NEGR1: variants seen among roughly 807,000 people sequenced by gnomAD.
The protein encoded by NEGR1 is IgLON family member 4.
Under a neutral mutation model 40.9 loss-of-function variants are expected in NEGR1, and 10 were observed. The observed-to-expected ratio is 0.24, with a 90% CI of 0.15 to 0.42. NEGR1 has a LOEUF of 0.42. Ranked by LOEUF, NEGR1 falls within the 10% of genes least tolerant of loss-of-function variation. NEGR1 has a pLI of 1.00. For synonymous variants in NEGR1, 185 were observed against 166.8 expected, an observed-to-expected ratio of 1.11 and a Z score of -0.84; for missense variants, 352 against 438.9, an observed-to-expected ratio of 0.80 and a Z score of 1.77.
intron 1 of NEGR1, among the ~76,000 whole-genome samples, chr1:72,006,677 G>A (rs1034560522): frequency 6.6e-6 from 1 of 151,788 alleles, no homozygotes; most frequent in Non-Finnish European, 1.5e-5. Context: ...AAAAAGTTCC[G>A]CTAAAAATAA....
intron 4 of NEGR1, among the ~76,000 whole-genome samples, chr1:71,695,514 T>G (rs1399774084): frequency 1.3e-5 from 2 of 151,788 alleles, no homozygotes; most frequent in African/African-American, 2.4e-5. Flanking sequence ...TTTTAAAATT[T>G]TCTCCCTTTT....
chr1:72,253,131 T>C (rs1232250911), intron 1 of NEGR1, among the ~76,000 whole-genome samples: 1 of 152,164 alleles, frequency 6.6e-6, no homozygotes, highest in Non-Finnish European at 1.5e-5. Flanking sequence ...GCTTCAGAAT[T>C]TGCACTGATT....
intron 2 of NEGR1, among the ~76,000 whole-genome samples, chr1:71,843,433 G>C (rs552224355): frequency 1.3e-5 from 2 of 152,232 alleles, no homozygotes; most frequent in East Asian, 3.9e-4. Flanking sequence ...TGACTCCTGT[G>C]CACTGAAATG....
intron 6 of NEGR1, among the ~76,000 whole-genome samples, chr1:71,432,260 C>T (rs1369738973): frequency 6.6e-6 from 1 of 152,136 alleles, no homozygotes; most frequent in African/African-American, 2.4e-5. Flanking sequence ...ATAGTTCTAA[C>T]AGAGATAATA....
intron 1 of NEGR1, among the ~76,000 whole-genome samples, chr1:71,939,398 T>C (rs1645939334): frequency 1.3e-5 from 2 of 152,088 alleles, no homozygotes; most frequent in Admixed American, 6.6e-5. Context: ...CTAAAAATAA[T>C]GAACAATAAA....
intron 1 of NEGR1, among the ~76,000 whole-genome samples, chr1:72,199,008 G>A (rs1653102025): frequency 6.6e-6 from 1 of 151,812 alleles, no homozygotes; most frequent in African/African-American, 2.4e-5. Flanking sequence ...TGAAAACAAC[G>A]TTGGTGCATT....
chr1:72,060,106 A>G (rs1647152445), intron 1 of NEGR1, among the ~76,000 whole-genome samples: 2 of 151,812 alleles, frequency 1.3e-5, no homozygotes. Context: ...TGAAGTGGCA[A>G]AATTGCTTTT....
chr1:71,954,370 T>C (rs953249463), intron 1 of NEGR1, among the ~76,000 whole-genome samples: 2 of 152,006 alleles, frequency 1.3e-5, no homozygotes, highest in Non-Finnish European at 2.9e-5. Flanking sequence ...GGCAAAAAGA[T>C]GTTTCAGAGT....
intron 4 of NEGR1, among the ~76,000 whole-genome samples, chr1:71,661,435 C>T (rs920987328): frequency 6.6e-6 from 1 of 152,162 alleles, no homozygotes. Context: ...GAGTATTCTA[C>T]ATGTAGTGCA....
intron 2 of NEGR1, among the ~76,000 whole-genome samples, chr1:71,886,550 A>C (rs1057503281): frequency 6.6e-6 from 1 of 151,902 alleles, no homozygotes; most frequent in Non-Finnish European, 1.5e-5. Context: ...ATATCTAACC[A>C]GGTGAATTAT....
At chr1:71,493,855 A>G (rs1248196332) in intron 6 of NEGR1, among the ~76,000 whole-genome samples, 1 of 152,172 alleles carries the variant, frequency 6.6e-6, no homozygotes. Context: ...CTCTAGTCCA[A>G]CTTATTTATC....
chr1:72,061,473 T>C (rs1373427603), intron 1 of NEGR1, among the ~76,000 whole-genome samples: 1 of 151,286 alleles, frequency 6.6e-6, no homozygotes, highest in East Asian at 1.9e-4. Flanking sequence ...CATAGTATCA[T>C]TTTCATCCAC....
chr1:72,257,605 C>G (rs1655317704), intron 1 of NEGR1, among the ~76,000 whole-genome samples: 1 of 152,090 alleles, frequency 6.6e-6, no homozygotes, highest in Admixed American at 6.6e-5. Context: ...TTTTCTCCAA[C>G]ATGAATAAAG....
At chr1:71,993,465 T>C (rs1227928147) in intron 1 of NEGR1, among the ~76,000 whole-genome samples, 5 of 152,164 alleles carry the variant, frequency 3.3e-5, no homozygotes, top group Non-Finnish European at 4.4e-5. Flanking sequence ...ATCTATTTAG[T>C]TGACAAAATT....
chr1:71,942,783 T>C (rs1645978600), intron 1 of NEGR1, among the ~76,000 whole-genome samples: 1 of 148,416 alleles, frequency 6.7e-6, no homozygotes, highest in South Asian at 2.1e-4. Flanking sequence ...ATTACAGGCG[T>C]GAGCCACCGC....
intron 1 of NEGR1, among the ~76,000 whole-genome samples, chr1:72,217,627 A>T (rs1050678563): frequency 3.3e-5 from 5 of 151,886 alleles, no homozygotes; most frequent in South Asian, 2.1e-4. Flanking sequence ...TTAAGGTTAC[A>T]TCAGAAATAA....
chr1:72,261,154 G>A (rs113454267), intron 1 of NEGR1, among the ~76,000 whole-genome samples: 2,198 of 152,092 alleles, frequency 0.014, 36 homozygotes, highest in Middle Eastern at 0.062. Flanking sequence ...GATGGCCACA[G>A]AATAACCTGA....
chr1:71,524,719 A>G (rs887251801), intron 6 of NEGR1, among the ~76,000 whole-genome samples: 1 of 151,722 alleles, frequency 6.6e-6, no homozygotes, highest in Non-Finnish European at 1.5e-5. Flanking sequence ...AGATTGGATT[A>G]TGATTAGCTG....
At chr1:72,016,690 C>G (rs925335242) in intron 1 of NEGR1, among the ~76,000 whole-genome samples, 1 of 152,122 alleles carries the variant, frequency 6.6e-6, no homozygotes, top group Admixed American at 6.6e-5. Context: ...AACCTACATT[C>G]CAAAAACTGA....
Sources: allele counts gnomAD v4.1 joint callset (sites outside exome capture counted in the v4.1 genomes callset), GRCh38; gene constraint gnomAD v4.1.1; transcripts MANE v1.5; gene names NCBI Gene and HGNC (gene_info 2026-07-23, HGNC 2026-07-21).